Variants in TRAK1 observed in about 807,000 individuals in gnomAD.
The protein encoded by TRAK1 is trafficking kinesin protein 1, also known as trafficking kinesin-binding protein 1.
Under a neutral mutation model 92.1 loss-of-function variants are expected in TRAK1, and 33 were observed. The ratio of observed to expected loss-of-function variants is 0.36; its 90% CI spans 0.27 to 0.48. The LOEUF (loss-of-function observed/expected upper bound fraction) is 0.48. Ranked by LOEUF, TRAK1 falls within the 20% of genes least tolerant of loss-of-function variation. TRAK1 has a pLI of 0.99. For synonymous variants in TRAK1, 521 were observed against 517.3 expected, an observed-to-expected ratio of 1.01 and a Z score of -0.10; for missense variants, 1,123 against 1,257.9, an observed-to-expected ratio of 0.89 and a Z score of 1.62.
intron 1 of TRAK1, among the ~76,000 whole-genome samples, chr3:42,048,335 C>T (rs1702838791): frequency 6.6e-6 from 1 of 152,056 alleles, no homozygotes; most frequent in South Asian, 2.1e-4. Context: ...CACCACAGTG[C>T]CCAAGAGTAA....
chr3:42,026,709 G>A (rs1432556123), intron 1 of TRAK1, among the ~76,000 whole-genome samples: 3 of 152,014 alleles, frequency 2.0e-5, no homozygotes, highest in Non-Finnish European at 4.4e-5. Context: ...ATTTTTAGTA[G>A]AGATGGAATT....
intron 1 of TRAK1, among the ~76,000 whole-genome samples, chr3:42,106,146 C>T (rs1707534379): frequency 6.6e-6 from 1 of 152,290 alleles, no homozygotes; most frequent in South Asian, 2.1e-4. Flanking sequence ...ATCATAATGA[C>T]AGGATCAAAT....
At chr3:42,192,382 G>GGTCAAAATATTAAGTATATTGCATTTC (rs1705904216) in intron 7 of TRAK1, among the ~76,000 whole-genome samples, 1 of 94,216 alleles carries the variant, frequency 1.1e-5, no homozygotes, top group African/African-American at 4.0e-5. Flanking sequence ...TAAGACCAAA[G>GGTCAAAATATTAAGTATATTGCATTTC]GTCAAAATAC....
chr3:42,131,276 C>T (rs540988050), intron 2 of TRAK1, among the ~76,000 whole-genome samples: 178 of 152,292 alleles, frequency 1.2e-3, no homozygotes, highest in African/African-American at 4.2e-3. Context: ...ACTCTCCTGG[C>T]TTGGCTCCCA....
chr3:42,035,444 A>G (rs1407248107), intron 1 of TRAK1, among the ~76,000 whole-genome samples: 1 of 152,048 alleles, frequency 6.6e-6, no homozygotes, highest in Non-Finnish European at 1.5e-5. Flanking sequence ...AGCCTGTACA[A>G]ACGCTTCCCG....
intron 2 of TRAK1, 46 bp downstream of exon 2, chr3:42,125,660 G>A (rs1398888930): frequency 6.3e-7 from 1 of 1,596,498 alleles, no homozygotes; most frequent in Non-Finnish European, 8.6e-7. Flanking sequence ...TCATGATCAG[G>A]TCTTCTTAGC....
At chr3:42,122,807 G>A (rs1270367122) in intron 1 of TRAK1, among the ~76,000 whole-genome samples, 4 of 152,158 alleles carry the variant, frequency 2.6e-5, no homozygotes, top group African/African-American at 9.7e-5. Context: ...CATAGCTTCT[G>A]TTCCCAGCAG....
chr3:42,195,476 A>G (rs1263972749), intron 10 of TRAK1, among the ~76,000 whole-genome samples: 1 of 152,172 alleles, frequency 6.6e-6, no homozygotes, highest in African/African-American at 2.4e-5. Flanking sequence ...AACTCCCCCA[A>G]GTGAGATAGG....
chr3:42,073,834 G>T (rs553940012), intron 1 of TRAK1, among the ~76,000 whole-genome samples: 1 of 152,340 alleles, frequency 6.6e-6, no homozygotes, highest in East Asian at 1.9e-4. Flanking sequence ...TAAGATGAAA[G>T]ACGGGAGGAA....
rs552579037 is a variant in TRAK1, at chr3:42,041,140, A to T, written c.-519+27023A>T. The stretch of plus-strand genomic sequence containing the variant: ...AGACCAGCTAGTTAATTTATGCTTA[A>T]AAAAAAAAAAAAACGGCTGGGATTT... On this transcript the variant is annotated intron_variant, in intron 1 of 16. Coordinates refer to the TRAK1 transcript ENST00000487159. 8.2e-3 allele frequency among the ~76,000 whole-genome samples: 853 copies of T among 104,364 alleles called. 3 individuals carry two copies. In the African/African-American group the frequency reaches 0.1, roughly 13 times the overall value. The allele number at this position is 104,364 out of a possible 152,430, so 68.5% of individuals were successfully genotyped here.
At chr3:42,203,173 G>C in intron 13 of TRAK1, 1 of 1,178,828 alleles carries the variant, frequency 8.5e-7, no homozygotes, top group Non-Finnish European at 1.0e-6. Context: ...GTCGGGGAGA[G>C]GTTCCAAGCA....
At chr3:42,185,137 A>G (rs566682372) in intron 4 of TRAK1, among the ~76,000 whole-genome samples, 2 of 152,292 alleles carry the variant, frequency 1.3e-5, no homozygotes, top group East Asian at 3.9e-4. Flanking sequence ...GACTCTAACG[A>G]TGCAGGCTGA....
In TRAK1 at chr3:42,225,379, A is replaced by C. The variant is rs1710683249; in HGVS notation, c.*1642A>C. 6.6e-6 allele frequency: 1 copy of C among 152,256 alleles called. No homozygotes were observed. Among genetic ancestry groups the C allele is most frequent in the African/African-American group, 2.4e-5 (1 of 41,474 alleles). 9.4% of individuals were successfully genotyped at this position (152,256 alleles called of 1,614,324 possible). On this transcript the variant is annotated 3_prime_UTR_variant, in exon 16 of 16. Coordinates refer to ENST00000327628, the MANE Select transcript of TRAK1 (RefSeq NM_001042646.3). ...AGAAAGCCCCTAAGGAACAAGCCTC[A>C]GTCCCACGGTTTCAGACTATTTATT... is the stretch of plus-strand genomic sequence containing the variant.
chr3:42,092,246 A>C (rs1473348038), intron 1 of TRAK1, among the ~76,000 whole-genome samples: 2 of 152,124 alleles, frequency 1.3e-5, no homozygotes, highest in African/African-American at 4.8e-5. Flanking sequence ...GTCAGAGTCC[A>C]GTGGTTGATG....
chr3:42,083,477 G>A (rs1273117902), upstream of TRAK1, among the ~76,000 whole-genome samples: 1 of 152,176 alleles, frequency 6.6e-6, no homozygotes, highest in Non-Finnish European at 1.5e-5. Flanking sequence ...ATCCCCTCAG[G>A]ACCATCAGGG....
intron 2 of TRAK1, among the ~76,000 whole-genome samples, chr3:42,169,030 G>T (rs1201233201): frequency 6.6e-6 from 1 of 152,126 alleles, no homozygotes; most frequent in Non-Finnish European, 1.5e-5. Context: ...CACCATGTTG[G>T]CCACGCTGGT....
In TRAK1 at chr3:42,129,988, A is replaced by T. The variant is rs186110577; in HGVS notation, c.286+4374A>T. 2.7e-3 allele frequency among the ~76,000 whole-genome samples: 405 copies of T among 152,340 alleles called. 8 individuals carry two copies. The highest frequency in any genetic ancestry group is 3.8e-4 in the Non-Finnish European group (26 of 68,044). On this transcript the variant is annotated intron_variant, in intron 2 of 15. Transcript: ENST00000327628. ...GCTTATTTATTTATAAATAAATAAA[A>T]TATATGTCTAACATATTCAAAATTC...
At chr3:42,061,278 C>T (rs1442624685) in intron 1 of TRAK1, among the ~76,000 whole-genome samples, 1 of 150,596 alleles carries the variant, frequency 6.6e-6, no homozygotes, top group African/African-American at 2.4e-5. Flanking sequence ...CATGCACACA[C>T]CCACCCACAC....
chr3:42,145,030 C>T (rs763510305), intron 2 of TRAK1, among the ~76,000 whole-genome samples: 10 of 152,048 alleles, frequency 6.6e-5, no homozygotes, highest in Admixed American at 2.0e-4. Context: ...GTAATACATG[C>T]GGATTGATTG....
Sources: gnomAD v4.1 joint callset for allele counts (sites outside exome capture counted in the v4.1 genomes callset) on GRCh38, gnomAD v4.1.1 for gene constraint, MANE v1.5 for transcripts, NCBI Gene and HGNC (gene_info 2026-07-23, HGNC 2026-07-21) for gene names.